WIF1: variants seen among roughly 807,000 people sequenced by gnomAD.
The protein encoded by WIF1 is Wnt inhibitory factor 1.
A neutral mutation model predicts 53.5 loss-of-function variants in WIF1; 35 were observed. That is an observed-to-expected ratio of 0.65 (90% CI 0.50 to 0.87). WIF1 has a LOEUF of 0.87. Among genes scored for constraint, WIF1 ranks in the 40% least tolerant of loss-of-function variants. WIF1 has a pLI of 0.00. For missense variants in WIF1, 467 were observed against 476.8 expected (o/e 0.98, Z 0.19); for synonymous variants, 171 against 170.4 (o/e 1.00, Z -0.03).
intron 3 of WIF1, among the ~76,000 whole-genome samples, chr12:65,074,544 G>A (rs1253037453): frequency 1.3e-5 from 2 of 151,858 alleles, no homozygotes; most frequent in Non-Finnish European, 2.9e-5. Flanking sequence ...CTTTAGCCAG[G>A]TGCTGGCTCA....
intron 2 of WIF1, among the ~76,000 whole-genome samples, chr12:65,099,191 T>G (rs951045942): frequency 2.6e-5 from 4 of 152,166 alleles, no homozygotes; most frequent in African/African-American, 4.8e-5. Flanking sequence ...AGAAATTTGA[T>G]GCACAAATCT....
At chr12:65,115,890 T>C (rs1222458519) in intron 2 of WIF1, among the ~76,000 whole-genome samples, 1 of 152,218 alleles carries the variant, frequency 6.6e-6, no homozygotes, top group Non-Finnish European at 1.5e-5. Context: ...TTGGTCTCCA[T>C]AGTTACGATG....
In WIF1 at chr12:65,100,701, TA is replaced by T. The variant is rs570257316; in HGVS notation, c.288+19715del. On this transcript the variant is annotated intron_variant, in intron 2 of 9. Coordinates refer to ENST00000286574, the MANE Select transcript of WIF1 (RefSeq NM_007191.5). The stretch of plus-strand genomic sequence containing the variant: ...ACTTGTAATAGTAAATATATATATA[TA>T]AAATTGAAACAGAATGTTAAATAAA... Among the ~76,000 whole-genome samples the T allele has an allele frequency of 7.1e-4, 108 of 151,992 alleles. 1 individual carries two copies. Among genetic ancestry groups the T allele is most frequent in the African/African-American group, 2.5e-3 (104 of 41,476 alleles).
chr12:65,107,447 A>G lies in WIF1; in HGVS notation c.288+12970T>C, dbSNP rs548571375. ...AAGACCAGCCTGGCTAACATGCTGA[A>G]ACCCTGTCTCTACTAAAAATACAAA... On this transcript the variant is annotated intron_variant, in intron 2 of 9. Transcript: ENST00000286574. Among the ~76,000 whole-genome samples the G allele has an allele frequency of 1.3e-3, 191 of 152,256 alleles. 1 individual carries two copies. The highest frequency in any genetic ancestry group is 2.1e-4 in the Non-Finnish European group (14 of 68,022).
At chr12:65,075,939 A>G (rs12818732) in intron 3 of WIF1, among the ~76,000 whole-genome samples, 1 of 152,224 alleles carries the variant, frequency 6.6e-6, no homozygotes, top group African/African-American at 2.4e-5. Context: ...CACATTTTTC[A>G]TGGTCTAATA....
intron 2 of WIF1, among the ~76,000 whole-genome samples, chr12:65,110,452 C>T (rs1259665776): frequency 1.3e-5 from 2 of 152,172 alleles, no homozygotes; most frequent in African/African-American, 4.8e-5. Flanking sequence ...CATGTCTCCT[C>T]GGTGAAGCCT....
intron 2 of WIF1, among the ~76,000 whole-genome samples, chr12:65,078,279 A>G (rs1274648207): frequency 3.9e-5 from 6 of 152,108 alleles, no homozygotes; most frequent in African/African-American, 1.4e-4. Flanking sequence ...GGGTTTCACC[A>G]TGTTGCCGGG....
chr12:65,091,160 C>G (rs1263572925), intron 2 of WIF1, among the ~76,000 whole-genome samples: 2 of 151,918 alleles, frequency 1.3e-5, no homozygotes, highest in East Asian at 3.9e-4. Flanking sequence ...ATAAGTTAAA[C>G]TACACCACAA....
chr12:65,070,226 C>T (rs1592390830), intron 3 of WIF1, among the ~76,000 whole-genome samples: 1 of 152,136 alleles, frequency 6.6e-6, no homozygotes, highest in East Asian at 1.9e-4. Flanking sequence ...CTATGCCATA[C>T]TCAAAATTAC....
At chr12:65,086,881 C>T (rs1883047190) in intron 2 of WIF1, among the ~76,000 whole-genome samples, 1 of 151,950 alleles carries the variant, frequency 6.6e-6, no homozygotes, top group East Asian at 1.9e-4. Flanking sequence ...TGGTGGCTCA[C>T]ACCTGTAATC....
intron 2 of WIF1, among the ~76,000 whole-genome samples, chr12:65,100,968 A>C (rs990274962): frequency 6.6e-6 from 1 of 152,204 alleles, no homozygotes; most frequent in Admixed American, 6.5e-5. Flanking sequence ...TTAAGCAAAA[A>C]ACAAACAAAA....
chr12:65,102,687 G>C (rs1883299834), intron 2 of WIF1, among the ~76,000 whole-genome samples: 1 of 152,158 alleles, frequency 6.6e-6, no homozygotes, highest in African/African-American at 2.4e-5. Context: ...TCAGGGCCTT[G>C]GACTAGGCAG....
At chr12:65,078,285 C>T (rs1397601873) in intron 2 of WIF1, among the ~76,000 whole-genome samples, 1 of 152,092 alleles carries the variant, frequency 6.6e-6, no homozygotes, top group African/African-American at 2.4e-5. Context: ...CACCATGTTG[C>T]CGGGGTCTGT....
rs1040385121 is a variant in WIF1, at chr12:65,114,167, AT to A, written c.288+6249del. On this transcript the variant is annotated intron_variant, in intron 2 of 9. Coordinates refer to ENST00000286574, the MANE Select transcript of WIF1 (RefSeq NM_007191.5). ...GAATTCTTGAATTAAAATTTACCCT[AT>A]TTTTTTTATTTTTTTTTGGTTTACG... 3.4e-4 allele frequency among the ~76,000 whole-genome samples: 34 copies of A among 100,436 alleles called. 1 individual carries two copies. The highest frequency in any genetic ancestry group is 7.8e-4 in the Admixed American group (8 of 10,224). 65.9% of individuals were successfully genotyped at this position (100,436 alleles called of 152,430 possible). A position where few individuals can be genotyped will look rare whatever the true frequency, so the allele number is the denominator to read the frequency against.
intron 2 of WIF1, among the ~76,000 whole-genome samples, chr12:65,084,503 G>A (rs1342388055): frequency 1.3e-5 from 2 of 152,158 alleles, no homozygotes; most frequent in Non-Finnish European, 2.9e-5. Flanking sequence ...ACCTTCAATA[G>A]GACTTAAACC....
chr12:65,062,691 T>C, intron 6 of WIF1, 115 bp from the exon 7 acceptor site: 3 of 906,096 alleles, frequency 3.3e-6, no homozygotes, highest in Non-Finnish European at 3.4e-6. Flanking sequence ...GCCCATTTCC[T>C]GACTTAATAA....
At chr12:65,062,716 C>T in intron 6 of WIF1, 140 bp from the exon 7 acceptor site, 1 of 757,762 alleles carries the variant, frequency 1.3e-6, no homozygotes, top group Non-Finnish European at 2.1e-6. Context: ...AGCTGCTTTA[C>T]AAATACAAAA....
chr12:65,056,552 T>C (rs1023319343), intron 7 of WIF1, among the ~76,000 whole-genome samples: 165 of 151,944 alleles, frequency 1.1e-3, no homozygotes, highest in African/African-American at 3.6e-3. Flanking sequence ...AACAGAATAA[T>C]CTTTTAACTG....
chr12:65,062,476 C>T lies in WIF1; in HGVS notation c.826+5G>A. ...GTCAAAAGAACGCAGAAAGTCAATA[C>T]TCACTGATTTCACACTGCTCTCCCT... On this transcript the variant is annotated splice_donor_5th_base_variant and intron_variant, in intron 7 of 9. Transcript: ENST00000286574. 2.5e-6 allele frequency: 4 copies of T among 1,601,892 alleles called. No homozygotes were observed. The highest frequency in any genetic ancestry group is 3.4e-6 in the Non-Finnish European group (4 of 1,172,526).
Sources: gnomAD v4.1 joint callset for allele counts (sites outside exome capture counted in the v4.1 genomes callset) on GRCh38, gnomAD v4.1.1 for gene constraint, MANE v1.5 for transcripts, NCBI Gene and HGNC (gene_info 2026-07-23, HGNC 2026-07-21) for gene names.